PARD3B: variants seen among roughly 807,000 people sequenced by gnomAD.
The protein encoded by PARD3B is partitioning defective 3 homolog B.
A neutral mutation model predicts 130.2 loss-of-function variants in PARD3B; 103 were observed. The observed-to-expected ratio is 0.79, with a 90% CI of 0.67 to 0.93. The LOEUF is 0.93. PARD3B is among the 40% of genes least tolerant of loss of function. PARD3B has a pLI of 0.00. For missense variants in PARD3B, 1,609 were observed against 1,499.2 expected (o/e 1.07, Z -1.21); for synonymous variants, 583 against 553.2 (o/e 1.05, Z -0.76).
intron 16 of PARD3B, among the ~76,000 whole-genome samples, chr2:205,264,090 T>A (rs1367054537): frequency 6.6e-6 from 1 of 150,752 alleles, no homozygotes; most frequent in Non-Finnish European, 1.5e-5. Context: ...GGCTAGAAGA[T>A]CAGAAGAAAG....
intron 1 of PARD3B, among the ~76,000 whole-genome samples, chr2:204,608,098 A>G (rs1352959685): frequency 6.6e-6 from 1 of 152,192 alleles, no homozygotes; most frequent in Non-Finnish European, 1.5e-5. Flanking sequence ...GCTACTGCAT[A>G]AATATCTGTG....
At chr2:204,993,754 A>C (rs1233820500) in intron 3 of PARD3B, among the ~76,000 whole-genome samples, 2 of 147,014 alleles carry the variant, frequency 1.4e-5, no homozygotes, top group African/African-American at 5.0e-5. Flanking sequence ...CCACAATTTC[A>C]GCTCCTGTTA....
intron 2 of PARD3B, among the ~76,000 whole-genome samples, chr2:204,903,823 A>T (rs1314271405): frequency 6.6e-6 from 1 of 152,182 alleles, no homozygotes; most frequent in Non-Finnish European, 1.5e-5. Flanking sequence ...AAATAGAGGA[A>T]ATTTACAGAG....
Position 205,172,182 on chromosome 2 carries a change from G to A in PARD3B, c.1621-29G>A, listed in dbSNP as rs745558695. 5 of 1,606,992 alleles carry A rather than the reference G, an allele frequency of 3.1e-6. No individual in the cohort carries two copies. The African/African-American group carries it at 6.7e-5, about 22-fold the overall frequency. On this transcript the variant is annotated intron_variant, in intron 11 of 22. Transcript: ENST00000406610. ...TGTCATCACCATACTTTTCTCTGTT[G>A]AATATTGTTTTCCTTTCTTCTGCCT...
intron 20 of PARD3B, among the ~76,000 whole-genome samples, chr2:205,467,890 T>G (rs2048687077): frequency 6.6e-6 from 1 of 152,224 alleles, no homozygotes; most frequent in African/African-American, 2.4e-5. Flanking sequence ...GTGAAGTTTA[T>G]AGACTAGGGT....
At chr2:205,051,504 G>A (rs562592432) in intron 4 of PARD3B, among the ~76,000 whole-genome samples, 116 of 152,172 alleles carry the variant, frequency 7.6e-4, no homozygotes, top group Non-Finnish European at 1.4e-3. Flanking sequence ...ATAAGAAGCT[G>A]TAAGGATGAA....
At chr2:204,693,015 A>G (rs2037429079) in intron 2 of PARD3B, among the ~76,000 whole-genome samples, 1 of 151,812 alleles carries the variant, frequency 6.6e-6, no homozygotes, top group Non-Finnish European at 1.5e-5. Context: ...GATCAAAACT[A>G]CTCAGTTTGA....
intron 19 of PARD3B, among the ~76,000 whole-genome samples, chr2:205,417,632 A>G (rs541644500): frequency 6.6e-6 from 1 of 152,328 alleles, no homozygotes; most frequent in Admixed American, 6.5e-5. Context: ...TCCATACTCA[A>G]AAAGTTGCAT....
chr2:204,988,084 G>C (rs1693331810), intron 3 of PARD3B, among the ~76,000 whole-genome samples: 1 of 152,064 alleles, frequency 6.6e-6, no homozygotes, highest in Non-Finnish European at 1.5e-5. Flanking sequence ...GGGCATGAAG[G>C]GGGTCCTTGG....
chr2:205,481,366 A>G (rs2049229123), intron 20 of PARD3B, among the ~76,000 whole-genome samples: 1 of 152,064 alleles, frequency 6.6e-6, no homozygotes, highest in Admixed American at 6.6e-5. Flanking sequence ...ATGGAAAGAG[A>G]GCAAAGAGGT....
chr2:205,557,967 A>T (rs563267277), intron 22 of PARD3B, among the ~76,000 whole-genome samples: 66 of 152,210 alleles, frequency 4.3e-4, no homozygotes, highest in African/African-American at 1.5e-3. Flanking sequence ...CTGTGTGGAG[A>T]AGAGGAAGCA....
intron 3 of PARD3B, among the ~76,000 whole-genome samples, chr2:205,036,931 A>G (rs575626536): frequency 1.3e-5 from 2 of 151,256 alleles, no homozygotes; most frequent in Admixed American, 1.3e-4. Flanking sequence ...TATAAAAAAC[A>G]TATAGTGGAC....
rs190768673 is a variant in PARD3B, at chr2:204,868,404, G to T, written c.223-96748G>T. ...CTTATATAATTTACATATGTTCCCAGTACCCATAAGTAGTGGAACTATAGT... is the reference window on the plus strand; with the variant it reads ...CTTATATAATTTACATATGTTCCCATTACCCATAAGTAGTGGAACTATAGT... On this transcript the variant is annotated intron_variant, in intron 2 of 22. Transcript: ENST00000406610. Among the ~76,000 whole-genome samples the T allele has an allele frequency of 7.9e-5, 12 of 152,166 alleles. No individual in the cohort carries two copies. In the East Asian group the frequency reaches 9.7e-4, roughly 12 times the overall value.
intron 1 of PARD3B, among the ~76,000 whole-genome samples, chr2:204,549,486 T>C (rs555726892): frequency 6.6e-6 from 1 of 152,280 alleles, no homozygotes; most frequent in South Asian, 2.1e-4. Flanking sequence ...TGAACTTCAG[T>C]AACCTCTAAT....
chr2:204,688,906 T>G (rs2037221844), intron 2 of PARD3B, among the ~76,000 whole-genome samples: 1 of 152,150 alleles, frequency 6.6e-6, no homozygotes, highest in South Asian at 2.1e-4. Context: ...GAGGCACGGA[T>G]AGATGCACAT....
intron 18 of PARD3B, among the ~76,000 whole-genome samples, chr2:205,320,169 G>C (rs1018020964): frequency 6.0e-4 from 18 of 29,890 alleles, no homozygotes; most frequent in Non-Finnish European, 1.1e-3. Context: ...CCATCAGAAA[G>C]AAAGAAAGAG....
intron 4 of PARD3B, among the ~76,000 whole-genome samples, chr2:205,060,423 G>C (rs955842356): frequency 6.6e-6 from 1 of 152,122 alleles, no homozygotes; most frequent in Admixed American, 6.6e-5. Context: ...AATGCATTCA[G>C]ATGGGCTGAA....
At chr2:205,252,847 C>CG (rs2039912458) in intron 16 of PARD3B, among the ~76,000 whole-genome samples, 1 of 137,854 alleles carries the variant, frequency 7.3e-6, no homozygotes, top group Non-Finnish European at 1.6e-5. Context: ...GACCCCCCCC[C>CG]CCCACCAAAA....
chr2:205,430,121 C>G (rs183746914), intron 19 of PARD3B, among the ~76,000 whole-genome samples: 2 of 152,288 alleles, frequency 1.3e-5, no homozygotes, highest in Admixed American at 6.5e-5. Context: ...AGGATTGCAT[C>G]AACAGATTCC....
Sources: allele counts gnomAD v4.1 joint callset (sites outside exome capture counted in the v4.1 genomes callset), GRCh38; gene constraint gnomAD v4.1.1; transcripts MANE v1.5; gene names NCBI Gene and HGNC (gene_info 2026-07-23, HGNC 2026-07-21).